The following ZNF462 variants were observed in gnomAD, a reference collection of about 807,000 sequenced individuals.
ZNF462 encodes the protein zinc finger protein 462.
Under a neutral mutation model 201.9 loss-of-function variants are expected in ZNF462, and 10 were observed. The observed-to-expected ratio is 0.05, with a 90% CI of 0.03 to 0.08. The LOEUF is 0.08. ZNF462 is among the 10% of genes least tolerant of loss of function. ZNF462 has a pLI of 1.00. For synonymous variants in ZNF462, 1,227 were observed against 1,193.3 expected, an observed-to-expected ratio of 1.03 and a Z score of -0.58; for missense variants, 2,523 against 3,168.3, an observed-to-expected ratio of 0.80 and a Z score of 4.89.
intron 10 of ZNF462, among the ~76,000 whole-genome samples, chr9:106,991,728 T>C (rs1425162906): frequency 6.6e-6 from 1 of 151,818 alleles, no homozygotes; most frequent in African/African-American, 2.4e-5. Flanking sequence ...TCAGTTGATT[T>C]TCATAAAAGG....
rs754229141 is a variant in ZNF462 at position 106,930,379 on chromosome 9, T to C, written c.5848-146T>C. 1.4e-4 allele frequency: 151 copies of C among 1,041,850 alleles called. No homozygotes were observed. The highest frequency in any genetic ancestry group is 2.0e-4 in the Non-Finnish European group (145 of 738,888). 64.5% of individuals were successfully genotyped at this position (1,041,850 alleles called of 1,614,324 possible). A position where few individuals can be genotyped will look rare whatever the true frequency, so the allele number is the denominator to read the frequency against. ...GCGTGCCATGATGCTGACAAATTTG[T>C]TATATAAAAATACTCGCCTATATCT... is the stretch of plus-strand genomic sequence containing the variant. On this transcript the variant is annotated intron_variant, in intron 3 of 12. Coordinates refer to ENST00000277225, the MANE Select transcript of ZNF462 (RefSeq NM_021224.6). The surrounding 1 kb of genome is among the most constrained non-coding windows in gnomAD (Gnocchi z 5.8).
chr9:106,899,127 C>A (rs1828938122), intron 1 of ZNF462, among the ~76,000 whole-genome samples: 1 of 150,856 alleles, frequency 6.6e-6, no homozygotes, highest in South Asian at 2.1e-4. Flanking sequence ...AGTCGGGATT[C>A]AACCTCAGGC....
In ZNF462 at chr9:106,974,442, C is replaced by T. The variant is rs1012738684; in HGVS notation, c.6832+169C>T. 20 of 973,344 alleles carry T rather than the reference C, an allele frequency of 2.1e-5. No individual in the cohort carries two copies. Among genetic ancestry groups the T allele is most frequent in the South Asian group, 2.8e-5 (2 of 71,154 alleles). The allele number at this position is 973,344 out of a possible 1,614,324, so 60.3% of individuals were successfully genotyped here. Reference sequence around the variant, plus strand: ...ACAGTGACAGCCAAAAGGGCAAAAACACCTTCCTGCTGGGAGTATTTCCTC... The same window carrying T: ...ACAGTGACAGCCAAAAGGGCAAAAATACCTTCCTGCTGGGAGTATTTCCTC... On this transcript the variant is annotated intron_variant, in intron 9 of 12. Coordinates refer to ENST00000277225, the MANE Select transcript of ZNF462 (RefSeq NM_021224.6). The surrounding 1 kb of genome is among the most constrained non-coding windows in gnomAD (Gnocchi z 4.0).
rs1355835037 is a variant in ZNF462 at position 106,926,093 on chromosome 9, G to A, written c.2181G>A (p.Glu727=). ...VINVEDDEEE[E]EDNEVEIEVE... ...ATGTTGAGGATGATGAAGAGGAAGA[G>A]GAAGACAACGAAGTCGAGATAGAGG... The change falls in exon 3 of 13, where the codon GAG becomes GAA. Residue 727 remains glutamate (E), a synonymous_variant. Transcript: ENST00000277225. The surrounding 1 kb of genome is among the most constrained non-coding windows in gnomAD (Gnocchi z 7.9). 2 of 1,614,210 alleles carry A rather than the reference G, an allele frequency of 1.2e-6. No individual in the cohort carries two copies. Among genetic ancestry groups the A allele is most frequent in the South Asian group, 1.1e-5 (1 of 91,086 alleles).
chr9:106,977,483 A>G lies in ZNF462; in HGVS notation c.6832+3210A>G, dbSNP rs928745784. 2.0e-5 allele frequency among the ~76,000 whole-genome samples: 3 copies of G among 151,684 alleles called. No homozygotes were observed. The highest frequency in any genetic ancestry group is 6.5e-5 in the Admixed American group (1 of 15,272). ...ATATATTTAAGTAGAGAGAGAATCTACTTCGCTCATGGGAAATCTGAATAT... is the reference window on the plus strand; with the variant it reads ...ATATATTTAAGTAGAGAGAGAATCTGCTTCGCTCATGGGAAATCTGAATAT... On this transcript the variant is annotated intron_variant, in intron 9 of 12. Transcript: ENST00000277225. This position sits in a 1 kb window ranked among gnomAD's most constrained non-coding sequence, Gnocchi z 4.6.
chr9:106,910,362 G>GTTTTTTTTTT (rs1011376719), intron 1 of ZNF462, among the ~76,000 whole-genome samples: 5 of 64,798 alleles, frequency 7.7e-5, no homozygotes, highest in African/African-American at 1.9e-4. Flanking sequence ...CCTTGTTTTA[G>GTTTTTTTTTT]TTTTTTTTTT....
chr9:106,861,680 AC>A (rs1827070422), upstream of ZNF462, among the ~76,000 whole-genome samples: 1 of 152,060 alleles, frequency 6.6e-6, no homozygotes, highest in East Asian at 1.9e-4. Context: ...ATACTGTAGA[AC>A]CCCCATCCCC....
At position 106,993,450 on chromosome 9, in the gene ZNF462, T is replaced by C. The variant is rs1828441914; in HGVS notation, c.7056+9041T>C. On this transcript the variant is annotated intron_variant, in intron 10 of 12. Coordinates refer to ENST00000277225, the MANE Select transcript of ZNF462 (RefSeq NM_021224.6). This position sits in a 1 kb window ranked among gnomAD's most constrained non-coding sequence, Gnocchi z 4.0. Reference sequence around the variant, plus strand: ...CAATCTTTCCTCCTAGATCTTTATCTTTGTTACTAGTGAGCGAGGCATCAC... The same window carrying C: ...CAATCTTTCCTCCTAGATCTTTATCCTTGTTACTAGTGAGCGAGGCATCAC... Among the ~76,000 whole-genome samples, 1 of 152,130 alleles carries C rather than the reference T, an allele frequency of 6.6e-6. No individual in the cohort carries two copies. Among genetic ancestry groups the C allele is most frequent in the Non-Finnish European group, 1.5e-5 (1 of 68,014 alleles).
rs1564062636 is a variant in ZNF462, at chr9:106,864,088, CT to C, written c.-31+734del. ...TCTCTCTCTCTCTCTCTCTCTCTCTCTCTCTCTCTCTCTCTCTCTCTCCCTC... is the reference window on the plus strand; with the variant it reads ...TCTCTCTCTCTCTCTCTCTCTCTCTCCTCTCTCTCTCTCTCTCTCTCCCTC... On this transcript the variant is annotated intron_variant, in intron 1 of 12. Transcript: ENST00000277225. 4.2e-3 allele frequency among the ~76,000 whole-genome samples: 562 copies of C among 134,474 alleles called. 20 individuals are homozygous for C. Among genetic ancestry groups the C allele is most frequent in the South Asian group, 8.8e-3 (35 of 3,974 alleles). 88.2% of individuals were successfully genotyped at this position (134,474 alleles called of 152,430 possible). A position where few individuals can be genotyped will look rare whatever the true frequency, so the allele number is the denominator to read the frequency against.
In ZNF462 at chr9:106,968,491, G is replaced by C. The variant is rs1370517860; in HGVS notation, c.6428-3514G>C. Among the ~76,000 whole-genome samples, 1 of 152,120 alleles carries C rather than the reference G, an allele frequency of 6.6e-6. No homozygotes were observed. The highest frequency in any genetic ancestry group is 1.5e-5 in the Non-Finnish European group (1 of 68,026). ...TTCTAAAACTTCACATATAATTAAAGTCACAAGTCAGAGAATAAAACTCTT... is the reference window on the plus strand; with the variant it reads ...TTCTAAAACTTCACATATAATTAAACTCACAAGTCAGAGAATAAAACTCTT... On this transcript the variant is annotated intron_variant, in intron 7 of 12. Transcript: ENST00000277225. This position sits in a 1 kb window ranked among gnomAD's most constrained non-coding sequence, Gnocchi z 4.0.
In ZNF462 at chr9:106,890,053, C is replaced by A. The variant is rs566867474; in HGVS notation, c.-31+26698C>A. 5.3e-5 allele frequency among the ~76,000 whole-genome samples: 8 copies of A among 152,328 alleles called. No homozygotes were observed. Among genetic ancestry groups the A allele is most frequent in the Middle Eastern group, 3.4e-3 (1 of 294 alleles). ...CTTTGTTTTATGCTCTAGTGTAGAG[C>A]TTGACTCCACCTTACTTTCCGGCTG... On this transcript the variant is annotated intron_variant, in intron 1 of 12. Transcript: ENST00000277225. The surrounding 1 kb of genome is among the most constrained non-coding windows in gnomAD (Gnocchi z 4.2).
intron 1 of ZNF462, among the ~76,000 whole-genome samples, chr9:106,879,809 G>A (rs1224603290): frequency 6.6e-6 from 1 of 152,142 alleles, no homozygotes; most frequent in African/African-American, 2.4e-5. Flanking sequence ...AATTTGAGGG[G>A]TAGATTGTTT....
At chr9:106,867,765 G>A (rs920920444) in intron 1 of ZNF462, among the ~76,000 whole-genome samples, 7 of 152,066 alleles carry the variant, frequency 4.6e-5, no homozygotes, top group Non-Finnish European at 1.0e-4. Flanking sequence ...GGTCTAGTCT[G>A]TCTTAAATTA....
At position 107,008,459 on chromosome 9, in the gene ZNF462, G is replaced by A. The variant is rs372914221; in HGVS notation, c.7190-1086G>A. ...TTAGATGGGGCATTTCAACCAGGAGGCATCTTCCTGTAATGTCTTGTATGT... is the reference window on the plus strand; with the variant it reads ...TTAGATGGGGCATTTCAACCAGGAGACATCTTCCTGTAATGTCTTGTATGT... On this transcript the variant is annotated intron_variant, in intron 11 of 12. Transcript: ENST00000277225. This position sits in a 1 kb window ranked among gnomAD's most constrained non-coding sequence, Gnocchi z 4.8. 2.2e-4 allele frequency among the ~76,000 whole-genome samples: 33 copies of A among 152,262 alleles called. No individual in the cohort carries two copies. The highest frequency in any genetic ancestry group is 7.0e-4 in the African/African-American group (29 of 41,548).
chr9:107,001,816 C>T (rs1829207384), intron 10 of ZNF462, among the ~76,000 whole-genome samples: 1 of 152,108 alleles, frequency 6.6e-6, no homozygotes, highest in East Asian at 1.9e-4. Context: ...TTGTCTGCGT[C>T]TTGTCCACCC....
chr9:106,944,574 A>G (rs758991284), intron 7 of ZNF462, among the ~76,000 whole-genome samples: 4 of 152,198 alleles, frequency 2.6e-5, no homozygotes, highest in Non-Finnish European at 4.4e-5. Context: ...TTGTGTTGGA[A>G]ACATTCAAAG....
At chr9:106,992,349 G>C (rs1828351407) in intron 10 of ZNF462, among the ~76,000 whole-genome samples, 1 of 152,084 alleles carries the variant, frequency 6.6e-6, no homozygotes, top group African/African-American at 2.4e-5. Flanking sequence ...TAGTATCAAA[G>C]TGTTGGCAAG....
chr9:106,948,241 T>C (rs1160352253), intron 7 of ZNF462, among the ~76,000 whole-genome samples: 2 of 151,014 alleles, frequency 1.3e-5, no homozygotes, highest in African/African-American at 4.9e-5. Flanking sequence ...GAAGGAGAGG[T>C]AGAGCCAGAC....
At position 106,938,887 on chromosome 9, in the gene ZNF462, T is replaced by C; in HGVS notation, c.6236-29T>C. ...ATACCCTTCTCCCCTCTTTTTCCTG[T>C]TCTATTTCTTGTCACCATCCTCTTC... is the stretch of plus-strand genomic sequence containing the variant. On this transcript the variant is annotated intron_variant, in intron 6 of 12. Coordinates refer to ENST00000277225, the MANE Select transcript of ZNF462 (RefSeq NM_021224.6). This position sits in a 1 kb window ranked among gnomAD's most constrained non-coding sequence, Gnocchi z 4.4. The C allele has an allele frequency of 6.3e-7, 1 of 1,576,968 alleles. No individual in the cohort carries two copies. Among genetic ancestry groups the C allele is most frequent in the Admixed American group, 1.8e-5 (1 of 56,332 alleles).
Sources: allele counts gnomAD v4.1 joint callset (sites outside exome capture counted in the v4.1 genomes callset), GRCh38; gene constraint gnomAD v4.1.1; non-coding constraint Gnocchi (gnomAD v3.1); transcripts MANE v1.5; gene names NCBI Gene and HGNC (gene_info 2026-07-23, HGNC 2026-07-21).